Variants in ARL14EPL observed in about 807,000 individuals in gnomAD.
The protein encoded by ARL14EPL is ARF like GTPase 14 effector protein like, also known as ARL14 effector protein-like.
ARL14EPL carries 17 observed loss-of-function variants against 15.9 expected under a neutral mutation model. That is an observed-to-expected ratio of 1.07 (90% confidence interval 0.73 to 1.60). ARL14EPL has a LOEUF of 1.60. Ranked by LOEUF, ARL14EPL falls within the 40% of genes most tolerant of loss-of-function variation. The pLI, the probability that ARL14EPL is intolerant of heterozygous loss-of-function variation, is 0.00. For missense variants in ARL14EPL, 214 were observed against 185.9 expected (o/e 1.15, Z -0.88); for synonymous variants, 78 against 63.8 (o/e 1.22, Z -1.06).
intron 2 of ARL14EPL, among the ~76,000 whole-genome samples, 194 bp downstream of exon 2, chr5:116,051,755 T>G (rs1437054676): frequency 1.3e-5 from 2 of 152,230 alleles, no homozygotes; most frequent in Non-Finnish European, 2.9e-5. Context: ...ACACATCTCC[T>G]CTCCACCTCC....
At position 116,059,113 on chromosome 5, in the gene ARL14EPL, C is replaced by G; in HGVS notation, c.*166C>G. 1.5e-6 allele frequency: 1 copy of G among 660,800 alleles called. No individual in the cohort carries two copies. Among genetic ancestry groups the G allele is most frequent in the Non-Finnish European group, 2.5e-6 (1 of 394,634 alleles). 40.9% of individuals were successfully genotyped at this position (660,800 alleles called of 1,614,324 possible). Reference sequence around the variant, plus strand: ...GTAGAATGGGCAATAATTCTGTAACCTTCTTAACTGTGTCAACAATTTTCA... The same window carrying G: ...GTAGAATGGGCAATAATTCTGTAACGTTCTTAACTGTGTCAACAATTTTCA... On this transcript the variant is annotated 3_prime_UTR_variant, in exon 4 of 4. Transcript: ENST00000686077.
At chr5:116,052,845 T>TGG (rs1361073055) in intron 2 of ARL14EPL, among the ~76,000 whole-genome samples, 1 of 152,192 alleles carries the variant, frequency 6.6e-6, no homozygotes, top group African/African-American at 2.4e-5. Context: ...TGTTTCCAGG[T>TGG]GGGGTATTTC....
At chr5:116,055,259 C>T (rs1749487786) in intron 3 of ARL14EPL, among the ~76,000 whole-genome samples, 1 of 152,118 alleles carries the variant, frequency 6.6e-6, no homozygotes, top group African/African-American at 2.4e-5. Context: ...AAAAACAGCT[C>T]AGTGTTACCT....
chr5:116,038,785 T>C, intron 1 of ARL14EPL, among the ~76,000 whole-genome samples: 1 of 144,642 alleles, frequency 6.9e-6, no homozygotes, highest in East Asian at 1.9e-4. Flanking sequence ...GTTCTATGAC[T>C]AACTACTTCT....
chr5:116,043,091 T>A (rs1403140906), intron 1 of ARL14EPL, among the ~76,000 whole-genome samples: 2 of 152,206 alleles, frequency 1.3e-5, no homozygotes, highest in African/African-American at 4.8e-5. Context: ...CTGCAATGGA[T>A]AAGCTTATGA....
At position 116,051,549 on chromosome 5, in the gene ARL14EPL, A is replaced by G; in HGVS notation, c.84A>G (p.Gly28=). Residue 28 remains glycine, a synonymous_variant, in exon 2 of 4, where the codon GGA becomes GGG. Coordinates refer to ENST00000686077, the MANE Select transcript of ARL14EPL (RefSeq NM_001195581.2). The stretch of plus-strand genomic sequence containing the variant: ...TTCCTGAGAAGAACTGTCAAATTGG[A>G]CAGAAACAACTGGTATGGCACACAG... ...HSFPEKNCQI[G]QKQLQQIERQ... 1 of 1,531,704 alleles carries G rather than the reference A, an allele frequency of 6.5e-7. No homozygotes were observed. The highest frequency in any genetic ancestry group is 8.7e-7 in the Non-Finnish European group (1 of 1,142,884). The allele number at this position is 1,531,704 out of a possible 1,614,324, so 94.9% of individuals were successfully genotyped here.
intron 1 of ARL14EPL, among the ~76,000 whole-genome samples, chr5:116,034,006 CCTT>C (rs1749005419): frequency 6.6e-6 from 1 of 152,170 alleles, no homozygotes; most frequent in South Asian, 2.1e-4. Flanking sequence ...GAGGCTGTCA[CCTT>C]CTCTGCTCTC....
At chr5:116,054,584 C>A (rs1215606206) in intron 3 of ARL14EPL, among the ~76,000 whole-genome samples, 1 of 152,212 alleles carries the variant, frequency 6.6e-6, no homozygotes, top group Admixed American at 6.5e-5. Flanking sequence ...GTAATTCCAA[C>A]ACTTTGGGAG....
chr5:116,037,116 G>C (rs1046818350), intron 1 of ARL14EPL, among the ~76,000 whole-genome samples: 3 of 152,110 alleles, frequency 2.0e-5, no homozygotes, highest in African/African-American at 7.2e-5. Flanking sequence ...ACTATGTCAG[G>C]TACAAGGGGT....
chr5:116,040,418 G>C (rs942057889), intron 1 of ARL14EPL, among the ~76,000 whole-genome samples: 1 of 151,514 alleles, frequency 6.6e-6, no homozygotes, highest in Non-Finnish European at 1.5e-5. Context: ...GGAGTGAAGG[G>C]AAGGCATTAA....
At chr5:116,045,745 A>AGTGT (rs56960751) in intron 1 of ARL14EPL, among the ~76,000 whole-genome samples, 2,521 of 148,704 alleles carry the variant, frequency 0.017, 53 homozygotes, top group East Asian at 0.12. Flanking sequence ...GACCCACAGA[A>AGTGT]GTGTGTGTGT....
At chr5:116,048,245 TG>T (rs1296284966) in intron 1 of ARL14EPL, among the ~76,000 whole-genome samples, 2 of 152,190 alleles carry the variant, frequency 1.3e-5, no homozygotes, top group Non-Finnish European at 2.9e-5. Context: ...TCACACTTTT[TG>T]TATCCCCATC....
chr5:116,050,614 G>C (rs1341887984), intron 1 of ARL14EPL, among the ~76,000 whole-genome samples: 1 of 152,126 alleles, frequency 6.6e-6, no homozygotes, highest in Non-Finnish European at 1.5e-5. Context: ...TAACTCTTAA[G>C]TTACTTCAGT....
intron 1 of ARL14EPL, among the ~76,000 whole-genome samples, chr5:116,049,572 T>C (rs1447893965): frequency 6.6e-6 from 1 of 152,222 alleles, no homozygotes; most frequent in Non-Finnish European, 1.5e-5. Flanking sequence ...AGGTTTGGAT[T>C]ATGATGGAAC....
chr5:116,051,315 G>A (rs962186282), intron 1 of ARL14EPL, 142 bp from the exon 2 acceptor site: 3 of 602,828 alleles, frequency 5.0e-6, no homozygotes, highest in African/African-American at 3.8e-5. Flanking sequence ...ACAGTGAGTG[G>A]GAGAAAAGGT....
chr5:116,052,814 C>G (rs958694573), intron 2 of ARL14EPL, among the ~76,000 whole-genome samples: 66 of 152,138 alleles, frequency 4.3e-4, no homozygotes, highest in African/African-American at 1.5e-3. Flanking sequence ...ATTGAAATTC[C>G]TACATTGAAA....
chr5:116,040,113 C>G (rs1405939898), intron 1 of ARL14EPL, among the ~76,000 whole-genome samples: 8 of 152,096 alleles, frequency 5.3e-5, no homozygotes, highest in Admixed American at 2.0e-4. Context: ...AAGATTTACT[C>G]TTGTAGCTAA....
intron 1 of ARL14EPL, among the ~76,000 whole-genome samples, chr5:116,048,291 C>T (rs1018655863): frequency 1.3e-5 from 2 of 152,096 alleles, no homozygotes; most frequent in African/African-American, 4.8e-5. Flanking sequence ...TGGCTTCTAG[C>T]CTGCTTGAAG....
intron 3 of ARL14EPL, among the ~76,000 whole-genome samples, chr5:116,058,192 G>T (rs74857592): frequency 0.012 from 1,829 of 151,342 alleles, 38 homozygotes; most frequent in African/African-American, 0.042. Flanking sequence ...GGCACTTGGA[G>T]ACTGTTAGCA....
Sources: allele counts gnomAD v4.1 joint callset (sites outside exome capture counted in the v4.1 genomes callset), GRCh38; gene constraint gnomAD v4.1.1; transcripts MANE v1.5; gene names NCBI Gene and HGNC (gene_info 2026-07-23, HGNC 2026-07-21).